EAF2: variants seen among roughly 807,000 people sequenced by gnomAD.
EAF2 encodes the protein ELL associated factor 2, also known as ELL-associated factor 2.
In EAF2, 29 loss-of-function variants were observed where a neutral mutation model predicts 29.4. That is an observed-to-expected ratio of 0.99 (90% CI 0.73 to 1.35). EAF2 has a LOEUF of 1.35. Among genes scored for constraint, EAF2 ranks in the 40% most tolerant of loss-of-function variants. EAF2 has a pLI of 0.00. For synonymous variants in EAF2, 103 were observed against 102.5 expected, an observed-to-expected ratio of 1.00 and a Z score of -0.03; for missense variants, 292 against 312.0, an observed-to-expected ratio of 0.94 and a Z score of 0.48.
At chr3:121,854,243 GA>G (rs1434440171) in intron 2 of EAF2, among the ~76,000 whole-genome samples, 4 of 150,362 alleles carry the variant, frequency 2.7e-5, no homozygotes, top group African/African-American at 9.8e-5. Context: ...TTGAATCCAG[GA>G]GGTGGAGGTT....
chr3:121,840,632 C>T (rs1241570295), intron 1 of EAF2, among the ~76,000 whole-genome samples: 4 of 150,986 alleles, frequency 2.6e-5, no homozygotes, highest in Non-Finnish European at 4.4e-5. Flanking sequence ...GGTGAAACCC[C>T]GTCTCTACTA....
intron 2 of EAF2, among the ~76,000 whole-genome samples, chr3:121,853,826 G>A (rs937058508): frequency 6.6e-6 from 1 of 152,016 alleles, no homozygotes; most frequent in Non-Finnish European, 1.5e-5. Flanking sequence ...GTGGTTTTTG[G>A]CAAGAGTATT....
At chr3:121,853,683 T>G (rs1482172804) in intron 2 of EAF2, among the ~76,000 whole-genome samples, 1 of 152,216 alleles carries the variant, frequency 6.6e-6, no homozygotes, top group African/African-American at 2.4e-5. Flanking sequence ...TTCAAATTAC[T>G]TCTATCTGGA....
chr3:121,848,889 C>CAA (rs1708579828), intron 2 of EAF2, among the ~76,000 whole-genome samples: 3 of 150,712 alleles, frequency 2.0e-5, no homozygotes, highest in African/African-American at 7.3e-5. Flanking sequence ...CCCCCCCCCA[C>CAA]ACAAAAAAAA....
intron 1 of EAF2, chr3:121,836,706 T>C (rs902337140): frequency 1.0e-6 from 1 of 987,686 alleles, no homozygotes; most frequent in African/African-American, 1.7e-5. Flanking sequence ...CAGTCCCATT[T>C]TCCGGAAGTG....
intron 5 of EAF2, chr3:121,873,205 T>G: frequency 1.8e-6 from 1 of 557,760 alleles, no homozygotes; most frequent in South Asian, 2.5e-5. Flanking sequence ...TTTAGACACA[T>G]GTTTAACATC....
At chr3:121,886,180 T>G (rs1409000541) in intron 5 of EAF2, among the ~76,000 whole-genome samples, 162 bp from the exon 6 acceptor site, 1 of 152,170 alleles carries the variant, frequency 6.6e-6, no homozygotes, top group Non-Finnish European at 1.5e-5. Flanking sequence ...TTACACACAG[T>G]ATTATTTGAG....
intron 2 of EAF2, among the ~76,000 whole-genome samples, chr3:121,846,377 A>T (rs778069693): frequency 6.6e-6 from 1 of 152,224 alleles, no homozygotes. Flanking sequence ...GATGTTGTAG[A>T]TAAGTTAATC....
chr3:121,847,059 A>T (rs2107505571), intron 2 of EAF2, among the ~76,000 whole-genome samples: 1 of 152,294 alleles, frequency 6.6e-6, no homozygotes, highest in South Asian at 2.1e-4. Context: ...ATGTCCAAAA[A>T]AGAATATGCC....
intron 4 of EAF2, among the ~76,000 whole-genome samples, chr3:121,871,931 T>A (rs1032068627): frequency 6.6e-6 from 1 of 151,916 alleles, no homozygotes; most frequent in African/African-American, 2.4e-5. Context: ...CAACTATAAT[T>A]TTTTTGTGTA....
intron 2 of EAF2, among the ~76,000 whole-genome samples, chr3:121,851,337 C>T (rs2107511905): frequency 6.7e-6 from 1 of 148,436 alleles, no homozygotes; most frequent in African/African-American, 2.5e-5. Flanking sequence ...ACCACCATGC[C>T]CAGCTAATTT....
intron 1 of EAF2, among the ~76,000 whole-genome samples, chr3:121,843,321 GTT>G: frequency 6.6e-6 from 1 of 152,158 alleles, no homozygotes; most frequent in Middle Eastern, 3.4e-3. Context: ...CTTTCCCAAG[GTT>G]TTCTAATTAT....
chr3:121,842,903 A>C (rs1221766463), intron 1 of EAF2, among the ~76,000 whole-genome samples: 3 of 152,158 alleles, frequency 2.0e-5, no homozygotes, highest in Non-Finnish European at 4.4e-5. Flanking sequence ...TTTCAGTCTA[A>C]TCTTTATCCT....
At chr3:121,855,322 A>T (rs1367836792) in intron 3 of EAF2, among the ~76,000 whole-genome samples, 1 of 152,192 alleles carries the variant, frequency 6.6e-6, no homozygotes, top group African/African-American at 2.4e-5. Context: ...CACATTACTT[A>T]CCCTGTAATA....
At chr3:121,842,222 AG>A (rs1236944023) in intron 1 of EAF2, among the ~76,000 whole-genome samples, 2 of 152,126 alleles carry the variant, frequency 1.3e-5, no homozygotes, top group Non-Finnish European at 2.9e-5. Context: ...GGATCAACAA[AG>A]TCCACTAGTA....
intron 1 of EAF2, chr3:121,836,370 TC>T (rs936323575): frequency 6.6e-6 from 1 of 152,400 alleles, no homozygotes; most frequent in Non-Finnish European, 1.5e-5. Context: ...TGGTTTTTAC[TC>T]TGAAATGTTC....
At chr3:121,849,239 T>C (rs1200089750) in intron 2 of EAF2, among the ~76,000 whole-genome samples, 2 of 152,210 alleles carry the variant, frequency 1.3e-5, no homozygotes, top group South Asian at 2.1e-4. Flanking sequence ...TATTATATTA[T>C]AATTTTAAGA....
chr3:121,863,172 G>A (rs748776246), intron 4 of EAF2, among the ~76,000 whole-genome samples: 4 of 152,172 alleles, frequency 2.6e-5, no homozygotes, highest in Non-Finnish European at 4.4e-5. Context: ...AAGTCTGTCC[G>A]TTCTCAGATC....
At chr3:121,849,647 T>C (rs1216291711) in intron 2 of EAF2, among the ~76,000 whole-genome samples, 1 of 152,114 alleles carries the variant, frequency 6.6e-6, no homozygotes. Flanking sequence ...CCTACACTTA[T>C]GAGGCTCCTA....
Sources: allele counts gnomAD v4.1 joint callset (sites outside exome capture counted in the v4.1 genomes callset), GRCh38; gene constraint gnomAD v4.1.1; transcripts MANE v1.5; gene names NCBI Gene and HGNC (gene_info 2026-07-23, HGNC 2026-07-21).